Variants in PKP2 observed in about 807,000 individuals in gnomAD.
PKP2 encodes plakophilin 2.
A neutral mutation model predicts 83.4 loss-of-function variants in PKP2; 73 were observed. The observed-to-expected ratio is 0.88, with a 90% confidence interval of 0.72 to 1.06. The LOEUF is 1.06. Among genes scored for constraint, PKP2 ranks in the 50% least tolerant of loss-of-function variants. The pLI is 0.00. For missense variants in PKP2, 966 were observed against 1,065.4 expected (o/e 0.91, Z 1.30); for synonymous variants, 409 against 430.4 (o/e 0.95, Z 0.62).
intron 9 of PKP2, among the ~76,000 whole-genome samples, chr12:32,803,920 C>G (rs963671373): frequency 8.5e-5 from 13 of 152,300 alleles, no homozygotes; most frequent in African/African-American, 3.1e-4. Context: ...CACCATTATT[C>G]CTGACTCTGA....
At chr12:32,846,016 CTGAG>C (rs1592748663) in intron 5 of PKP2, among the ~76,000 whole-genome samples, 1 of 152,148 alleles carries the variant, frequency 6.6e-6, no homozygotes, top group East Asian at 1.9e-4. Flanking sequence ...GCAAAACATT[CTGAG>C]TATTTTATTA....
chr12:32,824,278 A>G (rs1956412640), intron 6 of PKP2, 116 bp from the exon 7 acceptor site: 3 of 760,074 alleles, frequency 3.9e-6, no homozygotes, highest in Admixed American at 3.6e-5. Flanking sequence ...CAAATTTGTA[A>G]AAGTGTGGCA....
Position 32,832,093 on chromosome 12 carries a change from A to G in PKP2, c.1557-7931T>C, listed in dbSNP as rs557306745. Among the ~76,000 whole-genome samples, 597 of 152,290 alleles carry G rather than the reference A, an allele frequency of 3.9e-3. 3 individuals are homozygous for G. Among genetic ancestry groups the G allele is most frequent in the African/African-American group, 0.014 (575 of 41,570 alleles). ...TTCCACCTTTTAAATTTACTTAAAG[A>G]AAAAGCTGGCCAGGCGGGGTGGCTC... On this transcript the variant is annotated intron_variant, in intron 6 of 12. Transcript: ENST00000340811.
intron 1 of PKP2, among the ~76,000 whole-genome samples, chr12:32,887,289 T>C (rs1310566466): frequency 6.6e-6 from 1 of 152,200 alleles, no homozygotes; most frequent in Non-Finnish European, 1.5e-5. Context: ...GACTAATCCA[T>C]TGCTGTTATC....
intron 5 of PKP2, among the ~76,000 whole-genome samples, chr12:32,841,457 T>C (rs1450786677): frequency 6.6e-6 from 1 of 152,156 alleles, no homozygotes; most frequent in Non-Finnish European, 1.5e-5. Flanking sequence ...TAATCAGATA[T>C]ACAAATAAAG....
At chr12:32,810,250 G>A (rs1956265047) in intron 9 of PKP2, among the ~76,000 whole-genome samples, 1 of 152,196 alleles carries the variant, frequency 6.6e-6, no homozygotes, top group Non-Finnish European at 1.5e-5. Flanking sequence ...GAATGAACAA[G>A]TAGAGCCTTG....
chr12:32,840,519 G>A (rs184292123), intron 6 of PKP2, among the ~76,000 whole-genome samples: 1 of 151,930 alleles, frequency 6.6e-6, no homozygotes, highest in South Asian at 2.1e-4. Context: ...GGCTGGTCTC[G>A]AACTCCTGAC....
chr12:32,884,472 A>G (rs1284799345), intron 1 of PKP2, among the ~76,000 whole-genome samples: 1 of 152,058 alleles, frequency 6.6e-6, no homozygotes, highest in East Asian at 1.9e-4. Context: ...AAATAAATAT[A>G]CAGTCTTCCC....
chr12:32,886,154 A>G (rs1957028210), intron 1 of PKP2, among the ~76,000 whole-genome samples: 1 of 152,230 alleles, frequency 6.6e-6, no homozygotes, highest in Admixed American at 6.5e-5. Context: ...TTGTCCTCAC[A>G]GTGTGGATTC....
intron 6 of PKP2, among the ~76,000 whole-genome samples, chr12:32,836,915 C>T (rs1479901464): frequency 6.6e-6 from 1 of 152,180 alleles, no homozygotes; most frequent in Non-Finnish European, 1.5e-5. Context: ...CATTCTGACT[C>T]ATATCCTGAG....
intron 4 of PKP2, among the ~76,000 whole-genome samples, chr12:32,867,235 G>T (rs1023537024): frequency 1.3e-5 from 2 of 152,168 alleles, no homozygotes; most frequent in African/African-American, 2.4e-5. Flanking sequence ...GGCTGGGGTG[G>T]GAGGATTGCT....
At chr12:32,875,401 A>T (rs150435952) in intron 3 of PKP2, among the ~76,000 whole-genome samples, 1 of 152,304 alleles carries the variant, frequency 6.6e-6, no homozygotes, top group Non-Finnish European at 1.5e-5. Context: ...AAGGAAAGTA[A>T]AGAGGTTCCA....
At position 32,850,872 on chromosome 12, in the gene PKP2, A is replaced by C. The variant is rs1164276244; in HGVS notation, c.1272T>G (p.Phe424Leu). The change falls in exon 5 of 13, where the codon TTT (phenylalanine) becomes TTG (leucine). Residue 424 changes from phenylalanine (F) to leucine (L), a missense_variant. Phe to Leu is a conservative substitution (Grantham distance 22). Coordinates refer to ENST00000340811, the MANE Select transcript of PKP2 (RefSeq NM_001005242.3). ...AVCGALRNLVFEDNDNKLEVA... is the reference protein window; with the variant it reads ...AVCGALRNLVLEDNDNKLEVA... ...CCTCCAATTTGTTGTCATTGTCTTC[A>C]AATACTAAGTTTCTCAAGGCCCCAC... The C allele has an allele frequency of 6.2e-7, 1 of 1,613,990 alleles. No individual in the cohort carries two copies. Among genetic ancestry groups the C allele is most frequent in the African/African-American group, 1.3e-5 (1 of 75,028 alleles).
At chr12:32,792,932 A>G (rs1956085020) in intron 11 of PKP2, 1 of 608,780 alleles carries the variant, frequency 1.6e-6, no homozygotes, top group African/African-American at 1.8e-5. Context: ...TTTCTTTTTA[A>G]ACCACTAGCA....
chr12:32,815,783 T>C lies in PKP2; in HGVS notation c.2013+5573A>G, dbSNP rs796464174. Among the ~76,000 whole-genome samples, 3 of 152,202 alleles carry C rather than the reference T, an allele frequency of 2.0e-5. No individual in the cohort carries two copies. In the South Asian group the frequency reaches 6.2e-4, roughly 32 times the overall value. On this transcript the variant is annotated intron_variant, in intron 9 of 12. Transcript: ENST00000340811. The stretch of plus-strand genomic sequence containing the variant: ...ATCATTGAAAACATGTGACTCTAGA[T>C]GAGGTCTGATTCCTTAAATGCTGTT...
intron 1 of PKP2, among the ~76,000 whole-genome samples, chr12:32,892,125 A>G (rs975697016): frequency 1.3e-5 from 2 of 151,606 alleles, no homozygotes; most frequent in Admixed American, 1.3e-4. Context: ...CCCTTTCCTG[A>G]TCCCTCCTAC....
At chr12:32,792,908 A>G (rs764749660) in intron 11 of PKP2, 177 bp from the exon 12 acceptor site, 2 of 649,084 alleles carry the variant, frequency 3.1e-6, no homozygotes, top group East Asian at 2.8e-5. Flanking sequence ...GGCGGGGACC[A>G]TATCTGTTTT....
At chr12:32,840,624 T>C (rs989936728) in intron 6 of PKP2, among the ~76,000 whole-genome samples, 1 of 152,208 alleles carries the variant, frequency 6.6e-6, no homozygotes, top group African/African-American at 2.4e-5. Flanking sequence ...CATCTTTGTA[T>C]AGCCTTCAGT....
At position 32,896,740 on chromosome 12, in the gene PKP2, T is replaced by C; in HGVS notation, c.-9A>G. On this transcript the variant is annotated 5_prime_UTR_variant, in exon 1 of 13. Transcript: ENST00000340811. The stretch of plus-strand genomic sequence containing the variant: ...GCGCCGGGGGCTGCCATGGGGCCGG[T>C]GGGGGCGACCGAGCTGCTCGCCTGC... 1 of 1,395,000 alleles carries C rather than the reference T, an allele frequency of 7.2e-7. No individual in the cohort carries two copies. Among genetic ancestry groups the C allele is most frequent in the African/African-American group, 1.5e-5 (1 of 66,996 alleles). The allele number at this position is 1,395,000 out of a possible 1,614,324, so 86.4% of individuals were successfully genotyped here. A position where few individuals can be genotyped will look rare whatever the true frequency, so the allele number is the denominator to read the frequency against.
Sources: gnomAD v4.1 joint callset for allele counts (sites outside exome capture counted in the v4.1 genomes callset) on GRCh38, gnomAD v4.1.1 for gene constraint, MANE v1.5 for transcripts, NCBI Gene and HGNC (gene_info 2026-07-23, HGNC 2026-07-21) for gene names.